The following PSD3 variants were observed in gnomAD, a reference collection of about 807,000 sequenced individuals.
PSD3 encodes the protein pleckstrin and Sec7 domain containing 3.
In PSD3, 49 loss-of-function variants were observed where a neutral mutation model predicts 105.5. The ratio of observed to expected loss-of-function variants is 0.46; its 90% CI spans 0.37 to 0.59. The LOEUF (loss-of-function observed/expected upper bound fraction) is 0.59. PSD3 is among the 20% of genes least tolerant of loss of function. The probability of loss-of-function intolerance (pLI) is 0.00; values close to 1 mark genes in which losing one functional copy is unlikely to be tolerated. For synonymous variants in PSD3, 557 were observed against 457.8 expected (o/e 1.22, Z -2.77); for missense variants, 1,561 against 1,263.8 (o/e 1.24, Z -3.57).
chr8:18,842,392 C>T (rs1258562975), intron 4 of PSD3, among the ~76,000 whole-genome samples: 4 of 152,204 alleles, frequency 2.6e-5, no homozygotes, highest in African/African-American at 9.6e-5. Context: ...AATTTTGGTT[C>T]TCTTTGAGAG....
chr8:18,881,103 A>G (rs1379756650), intron 2 of PSD3, among the ~76,000 whole-genome samples: 1 of 152,218 alleles, frequency 6.6e-6, no homozygotes, highest in Non-Finnish European at 1.5e-5. Context: ...GTATCTGGTT[A>G]GATTCCTAAC....
At chr8:18,578,548 C>T (rs185116354) in intron 12 of PSD3, among the ~76,000 whole-genome samples, 1 of 152,148 alleles carries the variant, frequency 6.6e-6, no homozygotes, top group African/African-American at 2.4e-5. Context: ...AGATATATAT[C>T]ACAATGTCTA....
At chr8:19,007,599 C>T (rs1299761356) in intron 1 of PSD3, among the ~76,000 whole-genome samples, 1 of 152,016 alleles carries the variant, frequency 6.6e-6, no homozygotes, top group Non-Finnish European at 1.5e-5. Flanking sequence ...ACTGTAGTTT[C>T]AGTATTTGCT....
At chr8:18,787,937 A>G (rs1296215627) in intron 8 of PSD3, among the ~76,000 whole-genome samples, 1 of 152,210 alleles carries the variant, frequency 6.6e-6, no homozygotes, top group African/African-American at 2.4e-5. Flanking sequence ...AAATTTCTGT[A>G]AAGGACCAGA....
chr8:18,574,725 G>A (rs1802367551), intron 13 of PSD3, among the ~76,000 whole-genome samples: 2 of 152,158 alleles, frequency 1.3e-5, no homozygotes, highest in South Asian at 2.1e-4. Flanking sequence ...TAAGATAAAC[G>A]TTATCCCCCA....
chr8:19,030,745 T>C (rs1013901080), intron 1 of PSD3, among the ~76,000 whole-genome samples: 1 of 152,112 alleles, frequency 6.6e-6, no homozygotes, highest in African/African-American at 2.4e-5. Flanking sequence ...ATCCTGTCCA[T>C]CCCCGTATCA....
intron 4 of PSD3, among the ~76,000 whole-genome samples, chr8:18,854,726 T>A (rs938555072): frequency 1.3e-5 from 2 of 152,238 alleles, no homozygotes; most frequent in Non-Finnish European, 2.9e-5. Context: ...CTCTGTTAAA[T>A]TCACACTTGA....
At chr8:18,735,224 A>G (rs1804065602) in intron 9 of PSD3, among the ~76,000 whole-genome samples, 1 of 152,190 alleles carries the variant, frequency 6.6e-6, no homozygotes, top group Admixed American at 6.5e-5. Flanking sequence ...AGATAAGAGG[A>G]GACTACTTAC....
chr8:18,807,203 A>T (rs1435261319), intron 4 of PSD3, among the ~76,000 whole-genome samples: 1 of 152,132 alleles, frequency 6.6e-6, no homozygotes, highest in East Asian at 1.9e-4. Flanking sequence ...CCCTTTTCCC[A>T]CTGCTCTACC....
chr8:19,003,675 A>G (rs1161805170), intron 1 of PSD3, among the ~76,000 whole-genome samples: 2 of 151,772 alleles, frequency 1.3e-5, no homozygotes, highest in African/African-American at 2.4e-5. Context: ...GAGTGGTGGC[A>G]ACTTTACAAC....
chr8:18,994,071 C>G (rs774869774), intron 1 of PSD3, among the ~76,000 whole-genome samples: 9 of 151,988 alleles, frequency 5.9e-5, no homozygotes, highest in Admixed American at 4.6e-4. Context: ...ACCACTTACC[C>G]ACTGTGTGAT....
intron 1 of PSD3, among the ~76,000 whole-genome samples, chr8:18,964,137 T>C (rs550631577): frequency 7.2e-5 from 11 of 152,318 alleles, no homozygotes; most frequent in South Asian, 2.1e-4. Context: ...GTTTGTTTGT[T>C]TCTGTTTTTG....
chr8:18,538,930 C>A (rs372060386), intron 15 of PSD3, among the ~76,000 whole-genome samples: 23 of 152,192 alleles, frequency 1.5e-4, no homozygotes, highest in Middle Eastern at 3.4e-3. Flanking sequence ...TGAGAGGGGC[C>A]AGAAAACAAA....
rs984033166 is a variant in PSD3, at chr8:18,664,669, A to G, written c.2173-8984T>C. Among the ~76,000 whole-genome samples, 27 of 152,244 alleles carry G rather than the reference A, an allele frequency of 1.8e-4. 1 individual carries two copies. The highest frequency in any genetic ancestry group is 1.2e-3 in the Admixed American group (18 of 15,282). On this transcript the variant is annotated intron_variant, in intron 9 of 15. Transcript: ENST00000327040. ...TAAACAACAGATTTTCAGTATATAC[A>G]AAACAGCCTTTTATTGGAAGATAAT... is the stretch of plus-strand genomic sequence containing the variant.
intron 8 of PSD3, among the ~76,000 whole-genome samples, chr8:18,768,006 C>T (rs906901656): frequency 8.0e-5 from 12 of 149,656 alleles, no homozygotes; most frequent in Non-Finnish European, 1.6e-4. Flanking sequence ...CGCGGTGGCT[C>T]ACACCTATAA....
intron 4 of PSD3, among the ~76,000 whole-genome samples, chr8:18,826,852 G>C (rs1337759529): frequency 6.6e-6 from 1 of 152,102 alleles, no homozygotes; most frequent in Non-Finnish European, 1.5e-5. Context: ...TGTAAGTCCT[G>C]GGCCTTAAGT....
intron 9 of PSD3, among the ~76,000 whole-genome samples, chr8:18,709,389 G>C (rs992654797): frequency 2.0e-5 from 3 of 152,168 alleles, no homozygotes; most frequent in African/African-American, 7.2e-5. Flanking sequence ...ACTGTCTCTG[G>C]TTCAGCAGAT....
Position 18,912,174 on chromosome 8 carries a change from T to C in PSD3, c.130+23860A>G, listed in dbSNP as rs545487423. The stretch of plus-strand genomic sequence containing the variant: ...TTGCCATGAAAATCCCAGATCCTTA[T>C]TTCATAATGTCATAATGAGATTAAG... On this transcript the variant is annotated intron_variant, in intron 2 of 15. Coordinates refer to ENST00000327040, the MANE Select transcript of PSD3 (RefSeq NM_015310.4). Among the ~76,000 whole-genome samples, 3 of 152,336 alleles carry C rather than the reference T, an allele frequency of 2.0e-5. No homozygotes were observed. In the South Asian group the frequency reaches 6.2e-4, roughly 32 times the overall value.
chr8:18,574,787 G>A (rs1802371154), intron 13 of PSD3, among the ~76,000 whole-genome samples: 1 of 152,138 alleles, frequency 6.6e-6, no homozygotes, highest in African/African-American at 2.4e-5. Flanking sequence ...AGGAGAAAGA[G>A]CTAGAGAAAC....
Sources: gnomAD v4.1 joint callset for allele counts (sites outside exome capture counted in the v4.1 genomes callset) on GRCh38, gnomAD v4.1.1 for gene constraint, MANE v1.5 for transcripts, NCBI Gene and HGNC (gene_info 2026-07-23, HGNC 2026-07-21) for gene names.